Variants in CDH4 observed in about 807,000 individuals in gnomAD.
The protein encoded by CDH4 is cadherin-4.
A neutral mutation model predicts 86.0 loss-of-function variants in CDH4; 33 were observed. The ratio of observed to expected loss-of-function variants is 0.38; its 90% confidence interval spans 0.29 to 0.51. The LOEUF is 0.51. Among genes scored for constraint, CDH4 ranks in the 20% least tolerant of loss-of-function variants. CDH4 has a pLI of 0.86. For missense variants in CDH4, 1,114 were observed against 1,307.4 expected (o/e 0.85, Z 2.28); for synonymous variants, 555 against 549.4 (o/e 1.01, Z -0.14).
chr20:61,255,827 C>T lies in CDH4; in HGVS notation c.169+890C>T, dbSNP rs557659631. 6.6e-5 allele frequency among the ~76,000 whole-genome samples: 10 copies of T among 152,252 alleles called. No individual in the cohort carries two copies. In the East Asian group the frequency reaches 9.7e-4, roughly 15 times the overall value. Reference sequence around the variant, plus strand: ...GCATGCATGTGCGTGAACTCGCTCACGCTTATAGTGAAGTGATTTTTCAGA... The same window carrying T: ...GCATGCATGTGCGTGAACTCGCTCATGCTTATAGTGAAGTGATTTTTCAGA... On this transcript the variant is annotated intron_variant, in intron 2 of 15. Coordinates refer to ENST00000614565, the MANE Select transcript of CDH4 (RefSeq NM_001794.5).
intron 2 of CDH4, among the ~76,000 whole-genome samples, chr20:61,321,558 T>A (rs2084508684): frequency 6.6e-6 from 1 of 152,196 alleles, no homozygotes; most frequent in Non-Finnish European, 1.5e-5. Context: ...CGTGGCCTCA[T>A]CTCCCTTGGG....
chr20:61,549,975 C>A (rs1330684777), intron 2 of CDH4, among the ~76,000 whole-genome samples: 2 of 152,178 alleles, frequency 1.3e-5, no homozygotes, highest in Non-Finnish European at 2.9e-5. Context: ...AGACCTTCCT[C>A]CCCACTGGCA....
In CDH4 at chr20:61,938,972, C is replaced by T. The variant is rs1047228146; in HGVS notation, c.*2029C>T. 1.3e-5 allele frequency: 2 copies of T among 152,476 alleles called. No homozygotes were observed. The highest frequency in any genetic ancestry group is 4.8e-5 in the African/African-American group (2 of 41,458). 9.4% of individuals were successfully genotyped at this position (152,476 alleles called of 1,614,324 possible). ...CAGACAGCCAGTCCAGGAGATGGAC[C>T]AACAGAGGTCAAGGGGCAGCTGGCC... On this transcript the variant is annotated 3_prime_UTR_variant, in exon 16 of 16. Transcript: ENST00000614565.
At chr20:61,558,821 GAGA>G (rs1396304692) in intron 2 of CDH4, among the ~76,000 whole-genome samples, 12 of 152,218 alleles carry the variant, frequency 7.9e-5, no homozygotes, top group African/African-American at 2.7e-4. Context: ...GCAGCCTCCT[GAGA>G]AGGTCTCACC....
chr20:61,473,968 A>G (rs1249947683), intron 2 of CDH4, among the ~76,000 whole-genome samples: 1 of 152,068 alleles, frequency 6.6e-6, no homozygotes, highest in African/African-American at 2.4e-5. Flanking sequence ...ACTAATTAAT[A>G]TATGGTGCTT....
At chr20:61,920,471 G>A (rs73917141) in intron 9 of CDH4, among the ~76,000 whole-genome samples, 2,460 of 149,668 alleles carry the variant, frequency 0.016, 60 homozygotes, top group African/African-American at 0.055. Context: ...GCATGGAAGC[G>A]CAGTGTCACG....
rs1980374764 is a variant in CDH4, at chr20:61,810,431, C to G, written c.577-34237C>G. 6.6e-6 allele frequency among the ~76,000 whole-genome samples: 1 copy of G among 152,138 alleles called. No homozygotes were observed. Among genetic ancestry groups the G allele is most frequent in the South Asian group, 2.1e-4 (1 of 4,816 alleles). ...CAAGTTTCTGACCTGGGTTCTCAGA[C>G]CCAAGTTCTGACCCGGGTTCTCAGA... On this transcript the variant is annotated intron_variant, in intron 4 of 15. Transcript: ENST00000614565. This position sits in a 1 kb window ranked among gnomAD's most constrained non-coding sequence, Gnocchi z 4.3.
At chr20:61,800,992 G>A (rs370224060) in intron 4 of CDH4, among the ~76,000 whole-genome samples, 1 of 152,174 alleles carries the variant, frequency 6.6e-6, no homozygotes, top group Non-Finnish European at 1.5e-5. Context: ...ATCTTGGTTG[G>A]GGGCAGCTAC....
At chr20:61,766,834 C>T (rs1217887613) in intron 3 of CDH4, among the ~76,000 whole-genome samples, 2 of 152,196 alleles carry the variant, frequency 1.3e-5, no homozygotes, top group Non-Finnish European at 2.9e-5. Context: ...GTGCCCTGAC[C>T]GAGATATAAT....
At chr20:61,766,728 G>A (rs2088703127) in intron 3 of CDH4, among the ~76,000 whole-genome samples, 1 of 152,150 alleles carries the variant, frequency 6.6e-6, no homozygotes, top group Non-Finnish European at 1.5e-5. Context: ...TAATGGTGGT[G>A]TCTGCCTGGT....
chr20:61,409,614 C>T (rs1304697849), intron 2 of CDH4, among the ~76,000 whole-genome samples: 1 of 152,196 alleles, frequency 6.6e-6, no homozygotes, highest in Admixed American at 6.5e-5. Flanking sequence ...AGTAAGGACC[C>T]CGATGCATGT....
chr20:61,831,532 C>T (rs1193160508), intron 4 of CDH4, among the ~76,000 whole-genome samples: 2 of 152,260 alleles, frequency 1.3e-5, no homozygotes, highest in Non-Finnish European at 2.9e-5. Context: ...CCTGACCTTC[C>T]ATTAATACCA....
intron 2 of CDH4, among the ~76,000 whole-genome samples, chr20:61,600,181 C>T (rs762315307): frequency 6.6e-6 from 1 of 152,208 alleles, no homozygotes; most frequent in African/African-American, 2.4e-5. Flanking sequence ...GCGGTGAGGC[C>T]GCTGCTGCAG....
chr20:61,374,955 C>A (rs890047806), intron 2 of CDH4, among the ~76,000 whole-genome samples: 3 of 152,234 alleles, frequency 2.0e-5, no homozygotes, highest in Non-Finnish European at 4.4e-5. Flanking sequence ...CTCTTCCAAC[C>A]AATTGCCAGT....
At chr20:61,791,702 C>G (rs1034177013) in intron 4 of CDH4, among the ~76,000 whole-genome samples, 2 of 152,128 alleles carry the variant, frequency 1.3e-5, no homozygotes, top group African/African-American at 4.8e-5. Flanking sequence ...GGATGGGGAG[C>G]AAGGCTGTAG....
At chr20:61,679,388 G>C (rs2087482742) in intron 2 of CDH4, among the ~76,000 whole-genome samples, 1 of 152,172 alleles carries the variant, frequency 6.6e-6, no homozygotes. Context: ...GAGGTGAGGG[G>C]TGGGTCCCAG....
intron 4 of CDH4, among the ~76,000 whole-genome samples, chr20:61,803,885 GC>G (rs1300987063): frequency 1.3e-4 from 20 of 152,280 alleles, no homozygotes; most frequent in African/African-American, 4.8e-4. Flanking sequence ...AGGCTCCATC[GC>G]TGCAGAGCGT....
At chr20:61,508,389 G>A (rs1356051137) in intron 2 of CDH4, among the ~76,000 whole-genome samples, 7 of 152,222 alleles carry the variant, frequency 4.6e-5, no homozygotes, top group Non-Finnish European at 8.8e-5. Context: ...TCAGCCACAC[G>A]GGTGCCCCCA....
At chr20:61,442,249 A>G (rs1223987408) in intron 2 of CDH4, among the ~76,000 whole-genome samples, 1 of 152,220 alleles carries the variant, frequency 6.6e-6, no homozygotes, top group African/African-American at 2.4e-5. Context: ...GCCACTGTTG[A>G]AAAGCAGTGT....
Sources: gnomAD v4.1 joint callset for allele counts (sites outside exome capture counted in the v4.1 genomes callset) on GRCh38, gnomAD v4.1.1 for gene constraint, Gnocchi (gnomAD v3.1) non-coding constraint, MANE v1.5 for transcripts, NCBI Gene and HGNC (gene_info 2026-07-23, HGNC 2026-07-21) for gene names.